The following AAK1 variants were observed in gnomAD, a reference collection of about 807,000 sequenced individuals.
The protein encoded by AAK1 is AP2 associated kinase 1.
AAK1 carries 37 observed loss-of-function variants against 116.0 expected under a neutral mutation model. That is an observed-to-expected ratio of 0.32 (90% CI 0.25 to 0.42). AAK1 has a LOEUF of 0.42. AAK1 is among the 10% of genes least tolerant of loss of function. AAK1 has a pLI of 1.00. For synonymous variants in AAK1, 458 were observed against 439.9 expected (o/e 1.04, Z -0.51); for missense variants, 919 against 1,170.6 (o/e 0.79, Z 3.14).
At chr2:69,561,505 T>C (rs1269769438) in intron 2 of AAK1, among the ~76,000 whole-genome samples, 1 of 152,250 alleles carries the variant, frequency 6.6e-6, no homozygotes, top group South Asian at 2.1e-4. Flanking sequence ...AGGAAAGACA[T>C]GCAGAAAGAT....
chr2:69,558,389 T>C (rs1422447066), intron 2 of AAK1, among the ~76,000 whole-genome samples: 3 of 151,852 alleles, frequency 2.0e-5, no homozygotes, highest in Non-Finnish European at 4.4e-5. Context: ...TCAAGTGCTC[T>C]AAATTTGTTA....
At chr2:69,487,559 C>T (rs557163555) in intron 17 of AAK1, among the ~76,000 whole-genome samples, 2 of 152,100 alleles carry the variant, frequency 1.3e-5, no homozygotes, top group Non-Finnish European at 2.9e-5. Context: ...TCTTTGGATG[C>T]AAAGGCAAAA....
chr2:69,626,594 G>T (rs954129860), intron 2 of AAK1, among the ~76,000 whole-genome samples: 1 of 151,132 alleles, frequency 6.6e-6, no homozygotes, highest in Non-Finnish European at 1.5e-5. Context: ...CAACCTCCCA[G>T]GCTCAAGCGA....
At chr2:69,605,089 C>A (rs1269369962) in intron 2 of AAK1, among the ~76,000 whole-genome samples, 1 of 152,188 alleles carries the variant, frequency 6.6e-6, no homozygotes, top group African/African-American at 2.4e-5. Context: ...GCATGTGCCA[C>A]ACAAACTCCC....
chr2:69,601,476 T>C (rs956076742), intron 2 of AAK1, among the ~76,000 whole-genome samples: 4 of 152,180 alleles, frequency 2.6e-5, no homozygotes, highest in Non-Finnish European at 4.4e-5. Context: ...GAGCCAAAGA[T>C]AGAACAGAGC....
intron 2 of AAK1, among the ~76,000 whole-genome samples, chr2:69,585,951 G>A (rs1672745733): frequency 1.3e-5 from 2 of 152,068 alleles, no homozygotes; most frequent in Non-Finnish European, 2.9e-5. Flanking sequence ...CACAGTGCTG[G>A]GCAAACAACT....
In AAK1 at chr2:69,643,150, G is replaced by C; in HGVS notation, c.-110C>G. 2.8e-6 allele frequency: 4 copies of C among 1,429,304 alleles called. No homozygotes were observed. The highest frequency in any genetic ancestry group is 3.6e-6 in the Non-Finnish European group (4 of 1,103,466). 88.5% of individuals were successfully genotyped at this position (1,429,304 alleles called of 1,614,324 possible). ...AGGATTTCTTCTCAGATTTCACCTC[G>C]GAGAGGAGCCACCCGAATCCGGCCG... On this transcript the variant is annotated 5_prime_UTR_variant, in exon 2 of 22. Coordinates refer to ENST00000409085, the MANE Select transcript of AAK1 (RefSeq NM_014911.5).
intron 3 of AAK1, among the ~76,000 whole-genome samples, chr2:69,555,972 CTTAT>C (rs1209312822): frequency 1.3e-5 from 2 of 152,068 alleles, no homozygotes; most frequent in Admixed American, 1.3e-4. Flanking sequence ...CTTGACCAAT[CTTAT>C]TTATCTTCTA....
chr2:69,495,978 C>A lies in AAK1; in HGVS notation c.2365+7G>T. On this transcript the variant is annotated splice_region_variant and intron_variant, in intron 17 of 21. Transcript: ENST00000409085. ...TGCTTAACCTCAGAACAGTTCTGTT[C>A]ACCTACCTGGTGCATCAGGTACTTG... 3 of 1,551,688 alleles carry A rather than the reference C, an allele frequency of 1.9e-6. No homozygotes were observed. Among genetic ancestry groups the A allele is most frequent in the South Asian group, 2.4e-5 (2 of 83,988 alleles).
In AAK1 at chr2:69,643,086, T is replaced by A; in HGVS notation, c.-46A>T. ...AAGCAAAATACCGATGGTTTCTAGA[T>A]TTTTTTTTTTTTTTTTTTTTTTTAA... On this transcript the variant is annotated 5_prime_UTR_variant, in exon 2 of 22. Transcript: ENST00000409085. 1 of 72,094 alleles carries A rather than the reference T, an allele frequency of 1.4e-5. No homozygotes were observed. The highest frequency in any genetic ancestry group is 2.6e-5 in the Non-Finnish European group (1 of 39,068). The allele number at this position is 72,094 out of a possible 1,614,324, so 4.5% of individuals were successfully genotyped here. A position where few individuals can be genotyped will look rare whatever the true frequency, so the allele number is the denominator to read the frequency against.
At chr2:69,501,492 T>C (rs185314905) in intron 16 of AAK1, among the ~76,000 whole-genome samples, 2 of 152,196 alleles carry the variant, frequency 1.3e-5, no homozygotes, top group Non-Finnish European at 2.9e-5. Context: ...AGGAGGACAT[T>C]GGAATATTTT....
intron 2 of AAK1, among the ~76,000 whole-genome samples, chr2:69,605,707 ATGTG>A (rs1030856970): frequency 6.6e-6 from 1 of 152,230 alleles, no homozygotes; most frequent in Non-Finnish European, 1.5e-5. Context: ...TAATGTGTAG[ATGTG>A]TGTAACCACA....
chr2:69,522,678 C>T (rs1363369739), intron 10 of AAK1, among the ~76,000 whole-genome samples: 2 of 152,086 alleles, frequency 1.3e-5, no homozygotes, highest in African/African-American at 2.4e-5. Flanking sequence ...GTGGCACGCG[C>T]CTGTAGTCCC....
intron 6 of AAK1, 104 bp from the exon 7 acceptor site, chr2:69,530,810 G>A: frequency 3.8e-6 from 3 of 791,132 alleles, no homozygotes; most frequent in Non-Finnish European, 6.2e-6. Flanking sequence ...AGAATCCCTG[G>A]GAGCAATCTG....
chr2:69,545,143 T>C (rs747406512), intron 3 of AAK1, among the ~76,000 whole-genome samples: 14 of 152,158 alleles, frequency 9.2e-5, no homozygotes, highest in Non-Finnish European at 1.8e-4. Context: ...AAGATGGGCA[T>C]GTTTCCAGCT....
Position 69,465,116 on chromosome 2 carries a change from G to A in AAK1, c.*10753C>T. On this transcript the variant is annotated 3_prime_UTR_variant, in exon 22 of 22. Transcript: ENST00000409085. ...ATTTCAGGATTTAAACAGTTTCTGT[G>A]GGTGGGGCGGGGGGAAAGCAGAGTT... 1 of 214,152 alleles carries A rather than the reference G, an allele frequency of 4.7e-6. No homozygotes were observed. The highest frequency in any genetic ancestry group is 7.1e-5 in the South Asian group (1 of 14,062). The allele number at this position is 214,152 out of a possible 1,614,324, so 13.3% of individuals were successfully genotyped here.
At position 69,461,595 on chromosome 2, in the gene AAK1, ATTTTT is replaced by A; in HGVS notation, c.*14269_*14273del. 7 of 378,660 alleles carry A rather than the reference ATTTTT, an allele frequency of 1.8e-5. No homozygotes were observed. Among genetic ancestry groups the A allele is most frequent in the East Asian group, 9.5e-5 (1 of 10,548 alleles). The allele number at this position is 378,660 out of a possible 1,614,324, so 23.5% of individuals were successfully genotyped here. Reference sequence around the variant, plus strand: ...TCCACCCATCATGTCTCCAGTGACAATTTTTTTTTTTTTTTTGAGGCGGAGTTTTG... The same window carrying A: ...TCCACCCATCATGTCTCCAGTGACAATTTTTTTTTTTGAGGCGGAGTTTTG... On this transcript the variant is annotated 3_prime_UTR_variant, in exon 22 of 22. Coordinates refer to ENST00000409085, the MANE Select transcript of AAK1 (RefSeq NM_014911.5).
intron 2 of AAK1, among the ~76,000 whole-genome samples, chr2:69,640,077 T>TCC: frequency 1.3e-5 from 2 of 148,164 alleles, no homozygotes; most frequent in African/African-American, 5.0e-5. Flanking sequence ...TCTCTCTCTC[T>TCC]CTCCCCCCCC....
At chr2:69,503,475 T>C (rs941416034) in intron 16 of AAK1, among the ~76,000 whole-genome samples, 3 of 152,240 alleles carry the variant, frequency 2.0e-5, no homozygotes, top group African/African-American at 4.8e-5. Flanking sequence ...ATTGGTTAAA[T>C]ACACTAGGAT....
Sources: allele counts gnomAD v4.1 joint callset (sites outside exome capture counted in the v4.1 genomes callset), GRCh38; gene constraint gnomAD v4.1.1; transcripts MANE v1.5; gene names NCBI Gene and HGNC (gene_info 2026-07-23, HGNC 2026-07-21).